Variants in PTCH2 observed in about 807,000 individuals in gnomAD.
PTCH2 encodes protein patched homolog 2.
A neutral mutation model predicts 117.9 loss-of-function variants in PTCH2; 96 were observed. The ratio of observed to expected loss-of-function variants is 0.81; its 90% CI spans 0.69 to 0.96. The LOEUF is 0.96. Ranked by LOEUF, PTCH2 falls within the 50% of genes least tolerant of loss-of-function variation. PTCH2 has a pLI of 0.00. For missense variants in PTCH2, 1,379 were observed against 1,562.5 expected (o/e 0.88, Z 1.98); for synonymous variants, 615 against 660.9 (o/e 0.93, Z 1.06).
At chr1:44,833,779 G>A (rs1053291243) in intron 2 of PTCH2, among the ~76,000 whole-genome samples, 4 of 151,486 alleles carry the variant, frequency 2.6e-5, no homozygotes, top group Non-Finnish European at 5.9e-5. Context: ...TGCATTTTTA[G>A]TACAGGTGGG....
rs747678587 is a variant in PTCH2 at position 44,830,165 on chromosome 1, C to T, written c.814-135G>A. Reference sequence around the variant, plus strand: ...GAGTGTAGGTAACTATTCTGAGCCTCTTGACTGCTCTGCAGGAGTGAACAG... The same window carrying T: ...GAGTGTAGGTAACTATTCTGAGCCTTTTGACTGCTCTGCAGGAGTGAACAG... On this transcript the variant is annotated intron_variant, in intron 6 of 21. Transcript: ENST00000372192. 333 of 1,225,890 alleles carry T rather than the reference C, an allele frequency of 2.7e-4. 3 individuals carry two copies. The highest frequency in any genetic ancestry group is 1.1e-4 in the Non-Finnish European group (101 of 885,220). The allele number at this position is 1,225,890 out of a possible 1,614,324, so 75.9% of individuals were successfully genotyped here.
At chr1:44,819,904 T>TA (rs1466170615), downstream of PTCH2, 5 of 153,258 alleles carry the variant, frequency 3.3e-5, no homozygotes, top group African/African-American at 7.2e-5. Context: ...ATAAGAGGCC[T>TA]CAAAAAATTG....
rs1251028567 is a variant in PTCH2 at position 44,827,462 on chromosome 1, G to A, written c.2311C>T (p.Pro771Ser). ...CGGGGTGCCTGGGTGGCCGGTGGGG[G>A]CAGCACCGCCTTGAGGGAACTGAAG... ...QRFSSLKAVLPPPATQAPRTW... is the reference protein window; with the variant it reads ...QRFSSLKAVLSPPATQAPRTW... The change falls in exon 15 of 22, where the codon CCC becomes TCC. Residue 771 changes from proline to serine, a missense_variant. Physicochemically the swap from Pro to Ser is moderately conservative, Grantham distance 74. Transcript: ENST00000372192. The A allele has an allele frequency of 6.2e-7, 1 of 1,614,124 alleles. No homozygotes were observed. Among genetic ancestry groups the A allele is most frequent in the South Asian group, 1.1e-5 (1 of 91,090 alleles).
In PTCH2 at chr1:44,827,101, C is replaced by T. The variant is rs2148874851; in HGVS notation, c.2515-19G>A. ...TGGTCAGCTGCAGAGGCAGAGAGGG[C>T]TGAAGGCCTGGGCCCAGGAGGCCTG... On this transcript the variant is annotated intron_variant, in intron 16 of 21. Transcript: ENST00000372192. 1 of 1,613,964 alleles carries T rather than the reference C, an allele frequency of 6.2e-7. No individual in the cohort carries two copies. The highest frequency in any genetic ancestry group is 8.5e-7 in the Non-Finnish European group (1 of 1,179,938).
At chr1:44,838,471 C>T (rs1221365949) in intron 2 of PTCH2, among the ~76,000 whole-genome samples, 3 of 152,180 alleles carry the variant, frequency 2.0e-5, no homozygotes, top group Non-Finnish European at 4.4e-5. Context: ...AAACTCTTGA[C>T]CTCAAGTGAT....
Position 44,826,958 on chromosome 1 carries a change from G to A in PTCH2, c.2639C>T (p.Pro880Leu), listed in dbSNP as rs1441105568. ...GLAASQANFY[P>L]PPPEWLHDKY... ...GTCGTGCAGCCATTCAGGAGGTGGG[G>A]GGTAGAAGTTGGCCTGTGAGGCTGC... The change falls in exon 17 of 22, where the codon CCC (proline) becomes CTC (leucine). Residue 880 changes from proline to leucine, a missense_variant. Physicochemically the swap from Pro to Leu is moderately conservative, Grantham distance 98 (BLOSUM62 -3). Transcript: ENST00000372192. This position sits in a 1 kb window ranked among gnomAD's most constrained non-coding sequence, Gnocchi z 5.1. 4.3e-6 allele frequency: 7 copies of A among 1,614,090 alleles called. No homozygotes were observed. The highest frequency in any genetic ancestry group is 5.9e-6 in the Non-Finnish European group (7 of 1,180,032).
In PTCH2 at chr1:44,829,665, A is replaced by G; in HGVS notation, c.1032T>C (p.Ser344=). The change falls in exon 8 of 22, where the codon AGT becomes AGC. Residue 344 remains serine, a synonymous_variant. Transcript: ENST00000372192. ...GTAGCACTGTGCTGGCCTGCTCCTC[A>G]CTCCAGCCAATGTCATGTGTCTGAT... ...GDYQTHDIGW[S]EEQASTVLQA... 6.2e-7 allele frequency: 1 copy of G among 1,614,000 alleles called. No individual in the cohort carries two copies. Among genetic ancestry groups the G allele is most frequent in the Non-Finnish European group, 8.5e-7 (1 of 1,180,002 alleles).
At position 44,841,981 on chromosome 1, in the gene PTCH2, A is replaced by T; in HGVS notation, c.131T>A (p.Leu44His). The T allele has an allele frequency of 3.1e-6, 5 of 1,614,166 alleles. No individual in the cohort carries two copies. Among genetic ancestry groups the T allele is most frequent in the Non-Finnish European group, 4.2e-6 (5 of 1,179,978 alleles). ...LWLRAYFQGL[L>H]FSLGCGIQRH... ...CTGGATCCCGCATCCCAGAGAGAAG[A>T]GCAGGCCCTGGAAGTAAGCACGAAG... The change falls in exon 2 of 22, where the codon CTC becomes CAC. Residue 44 changes from leucine (L) to histidine (H), a missense_variant. By Grantham distance (99) the Leu-to-His change is moderately conservative. Transcript: ENST00000372192.
At position 44,826,050 on chromosome 1, in the gene PTCH2, T is replaced by G. The variant is rs547299525; in HGVS notation, c.3114+200A>C. ...TAGTAAAGACAGGGTTTCACCATGT[T>G]GGCCAGGCTGGTTTCGAACTCCTGA... On this transcript the variant is annotated intron_variant, in intron 19 of 21. Transcript: ENST00000372192. This position sits in a 1 kb window ranked among gnomAD's most constrained non-coding sequence, Gnocchi z 5.1. 1.3e-5 allele frequency among the ~76,000 whole-genome samples: 2 copies of G among 152,180 alleles called. No homozygotes were observed. The highest frequency in any genetic ancestry group is 4.8e-5 in the African/African-American group (2 of 41,498).
Position 44,829,753 on chromosome 1 carries a change from G to A in PTCH2, c.944C>T (p.Ala315Val), listed in dbSNP as rs2148878119. 1 of 1,614,172 alleles carries A rather than the reference G, an allele frequency of 6.2e-7. No individual in the cohort carries two copies. The highest frequency in any genetic ancestry group is 1.1e-5 in the South Asian group (1 of 91,090). Residue 315 changes from alanine to valine, a missense_variant, in exon 8 of 22, where the codon GCC becomes GTC. Coordinates refer to ENST00000372192, the MANE Select transcript of PTCH2 (RefSeq NM_003738.5). ...DPQGELLRAE[A>V]LQSTFLLMSP... is the part of the protein sequence containing the mutation. ...CATCAGCAAGAAGGTGCTCTGCAGGGCCTCTGCCCTGGTGGGGGTGTGGGA... is the reference window on the plus strand; with the variant it reads ...CATCAGCAAGAAGGTGCTCTGCAGGACCTCTGCCCTGGTGGGGGTGTGGGA...
In PTCH2 at chr1:44,823,397, G is replaced by A; in HGVS notation, c.3115-12C>T. The A allele has an allele frequency of 6.2e-7, 1 of 1,614,152 alleles. No homozygotes were observed. The highest frequency in any genetic ancestry group is 8.5e-7 in the Non-Finnish European group (1 of 1,180,044). ...GTGGTCAGGAAGCCCTAGGAAAACA[G>A]AGTGGTCCTGGAGCTGCTCCTCTGC... On this transcript the variant is annotated splice_polypyrimidine_tract_variant and intron_variant, in intron 19 of 21. Coordinates refer to ENST00000372192, the MANE Select transcript of PTCH2 (RefSeq NM_003738.5). The surrounding 1 kb of genome is among the most constrained non-coding windows in gnomAD (Gnocchi z 5.1).
rs2148877022 is a variant in PTCH2, at chr1:44,829,138, C to T, written c.1371+19G>A. Reference sequence around the variant, plus strand: ...AGCCTGGTGACTGGCACTGAGTCTGCCCTGCAGTCCTGGCGTACCTGGGTA... The same window carrying T: ...AGCCTGGTGACTGGCACTGAGTCTGTCCTGCAGTCCTGGCGTACCTGGGTA... On this transcript the variant is annotated intron_variant, in intron 10 of 21. Coordinates refer to ENST00000372192, the MANE Select transcript of PTCH2 (RefSeq NM_003738.5). 1 of 1,613,768 alleles carries T rather than the reference C, an allele frequency of 6.2e-7. No homozygotes were observed. Among genetic ancestry groups the T allele is most frequent in the East Asian group, 2.2e-5 (1 of 44,882 alleles).
intron 2 of PTCH2, among the ~76,000 whole-genome samples, chr1:44,835,406 G>A (rs1280122115): frequency 9.2e-5 from 14 of 151,970 alleles, no homozygotes; most frequent in Admixed American, 9.2e-4. Flanking sequence ...TAACCAATAT[G>A]GAAAAAGACT....
In PTCH2 at chr1:44,823,477, G is replaced by A; in HGVS notation, c.3115-92C>T. ...GCTGTATCTGTCTTCAGAGCTCAAC[G>A]ATACCTTGGCCCACCAAAGGCTGGG... On this transcript the variant is annotated intron_variant, in intron 19 of 21. Transcript: ENST00000372192. The surrounding 1 kb of genome is among the most constrained non-coding windows in gnomAD (Gnocchi z 5.1). The A allele has an allele frequency of 5.7e-6, 9 of 1,571,348 alleles. No individual in the cohort carries two copies. The highest frequency in any genetic ancestry group is 1.3e-5 in the African/African-American group (1 of 74,188).
chr1:44,825,809 A>G (rs1163634097), intron 19 of PTCH2, among the ~76,000 whole-genome samples: 1 of 143,806 alleles, frequency 7.0e-6, no homozygotes, highest in Non-Finnish European at 1.5e-5. Flanking sequence ...CATCATCCCA[A>G]TTACAGGCAT....
chr1:44,827,585 G>A lies in PTCH2; in HGVS notation c.2188C>T (p.Gln730Ter), dbSNP rs1288745612. 1 of 1,614,060 alleles carries A rather than the reference G, an allele frequency of 6.2e-7. No homozygotes were observed. Among genetic ancestry groups the A allele is most frequent in the African/African-American group, 1.3e-5 (1 of 75,046 alleles). Residue 730 changes from glutamine to a stop codon, truncating the protein, a stop_gained, in exon 15 of 22, where the codon CAG becomes TAG. Coordinates refer to ENST00000372192, the MANE Select transcript of PTCH2 (RefSeq NM_003738.5). LOFTEE classifies it high-confidence loss of function. Reference protein sequence around the residue: ...GTKEHAFLSAQLRYFSLYEVA... With the variant: ...GTKEHAFLSA ...TCGTACAGGGAGAAGTACCTGAGCT[G>A]GGCGCTCAGGAAGGCATGCTCCTTG...
At chr1:44,839,502 C>T (rs184415487) in intron 2 of PTCH2, among the ~76,000 whole-genome samples, 3 of 152,140 alleles carry the variant, frequency 2.0e-5, no homozygotes, top group Admixed American at 1.3e-4. Flanking sequence ...AACCCTCCCC[C>T]AAACAACAGC....
At position 44,829,436 on chromosome 1, in the gene PTCH2, C is replaced by A; in HGVS notation, c.1181G>T (p.Ser394Ile). 6.2e-7 allele frequency: 1 copy of A among 1,614,210 alleles called. No homozygotes were observed. Among genetic ancestry groups the A allele is most frequent in the Non-Finnish European group, 8.5e-7 (1 of 1,180,034 alleles). The change falls in exon 9 of 22, where the codon AGT becomes ATT. Residue 394 changes from serine to isoleucine, a missense_variant. Transcript: ENST00000372192. Reference sequence around the variant, plus strand: ...ATAGCCTCCCACCACACGGGCAGCACTGACTTCAGAGAACGCATGCAGGAT... The same window carrying A: ...ATAGCCTCCCACCACACGGGCAGCAATGACTTCAGAGAACGCATGCAGGAT... ...DDILHAFSEVSAARVVGGYLL... is the reference protein window; with the variant it reads ...DDILHAFSEVIAARVVGGYLL...
At position 44,826,528 on chromosome 1, in the gene PTCH2, CAGACG is replaced by C; in HGVS notation, c.2931_2935del (p.Val978CysfsTer52). The C allele has an allele frequency of 6.2e-7, 1 of 1,613,842 alleles. No individual in the cohort carries two copies. Among genetic ancestry groups the C allele is most frequent in the East Asian group, 2.2e-5 (1 of 44,880 alleles). ...CCAGGGGTTGAGGAGCAGCAGAGCA[CAGACG>C]AGGAAAGTGCACACCAGCAGGATGC... On this transcript the variant is annotated frameshift_variant, in exon 18 of 22. Transcript: ENST00000372192. LOFTEE classifies it high-confidence loss of function. This position sits in a 1 kb window ranked among gnomAD's most constrained non-coding sequence, Gnocchi z 5.1.
Sources: gnomAD v4.1 joint callset for allele counts (sites outside exome capture counted in the v4.1 genomes callset) on GRCh38, gnomAD v4.1.1 for gene constraint, Gnocchi (gnomAD v3.1) non-coding constraint, MANE v1.5 for transcripts, NCBI Gene and HGNC (gene_info 2026-07-23, HGNC 2026-07-21) for gene names.